Variants in ASIC2 observed in about 807,000 individuals in gnomAD.
ASIC2 encodes the protein acid sensing ion channel subunit 2.
A neutral mutation model predicts 57.3 loss-of-function variants in ASIC2; 25 were observed. The ratio of observed to expected loss-of-function variants is 0.44; its 90% CI spans 0.32 to 0.61. The LOEUF is 0.61. Among genes scored for constraint, ASIC2 ranks in the 20% least tolerant of loss-of-function variants. The probability of loss-of-function intolerance (pLI) is 0.06; values close to 1 mark genes in which losing one functional copy is unlikely to be tolerated. For missense variants in ASIC2, 641 were observed against 738.1 expected, an observed-to-expected ratio of 0.87 and a Z score of 1.52; for synonymous variants, 319 against 307.5, an observed-to-expected ratio of 1.04 and a Z score of -0.39.
At chr17:34,052,055 T>G (rs954836814) in intron 1 of ASIC2, among the ~76,000 whole-genome samples, 1 of 152,184 alleles carries the variant, frequency 6.6e-6, no homozygotes, top group African/African-American at 2.4e-5. Context: ...CATTCTTGAT[T>G]GATTCATCCA....
chr17:33,069,575 A>T (rs1453946838), intron 3 of ASIC2, among the ~76,000 whole-genome samples: 1 of 151,996 alleles, frequency 6.6e-6, no homozygotes, highest in Non-Finnish European at 1.5e-5. Flanking sequence ...TGACCTTTTT[A>T]TGATTATGAA....
chr17:34,073,732 G>T (rs1176400535), intron 1 of ASIC2, among the ~76,000 whole-genome samples: 1 of 152,158 alleles, frequency 6.6e-6, no homozygotes, highest in Non-Finnish European at 1.5e-5. Context: ...AATTCACTCA[G>T]CTTGTCTATC....
At chr17:34,074,942 C>T (rs569734981) in intron 1 of ASIC2, among the ~76,000 whole-genome samples, 96 of 152,138 alleles carry the variant, frequency 6.3e-4, no homozygotes, top group Non-Finnish European at 1.1e-3. Context: ...CCTGCCATCA[C>T]GCCTGGCTAA....
intron 1 of ASIC2, among the ~76,000 whole-genome samples, chr17:34,090,078 G>A (rs1910269848): frequency 6.6e-6 from 1 of 152,172 alleles, no homozygotes; most frequent in African/African-American, 2.4e-5. Flanking sequence ...CCTGACAGAT[G>A]AGTCACAGCT....
At chr17:33,441,314 A>G (rs761800413) in intron 1 of ASIC2, among the ~76,000 whole-genome samples, 5 of 152,200 alleles carry the variant, frequency 3.3e-5, no homozygotes, top group Non-Finnish European at 7.4e-5. Flanking sequence ...TAAAAGGTTT[A>G]TATGAAGTCC....
chr17:33,262,618 T>G (rs1005895691), intron 1 of ASIC2, among the ~76,000 whole-genome samples: 4 of 152,136 alleles, frequency 2.6e-5, no homozygotes, highest in Non-Finnish European at 4.4e-5. Context: ...TCCCAAAGGG[T>G]CATTCACACA....
intron 1 of ASIC2, among the ~76,000 whole-genome samples, chr17:33,354,827 G>T (rs936820826): frequency 6.6e-6 from 1 of 152,074 alleles, no homozygotes; most frequent in East Asian, 1.9e-4. Context: ...GGCAGAGCTC[G>T]TGTCCTTTTA....
chr17:33,187,237 GAAC>G (rs938544881), intron 1 of ASIC2, among the ~76,000 whole-genome samples: 20 of 152,250 alleles, frequency 1.3e-4, no homozygotes, highest in African/African-American at 4.8e-5. Flanking sequence ...ACCACATGTC[GAAC>G]AACCAACGCT....
chr17:33,879,692 T>A (rs1182235654), intron 1 of ASIC2, among the ~76,000 whole-genome samples: 4 of 152,096 alleles, frequency 2.6e-5, no homozygotes, highest in African/African-American at 9.7e-5. Flanking sequence ...ATTAGACACA[T>A]CAACGAGACA....
At chr17:34,010,493 A>G (rs748015609) in intron 1 of ASIC2, among the ~76,000 whole-genome samples, 2 of 152,104 alleles carry the variant, frequency 1.3e-5, no homozygotes, top group African/African-American at 2.4e-5. Context: ...TTATCCCTCC[A>G]TGTCTCTGGG....
intron 1 of ASIC2, among the ~76,000 whole-genome samples, chr17:33,845,383 A>G (rs1180981125): frequency 1.3e-5 from 2 of 152,060 alleles, no homozygotes; most frequent in African/African-American, 4.8e-5. Context: ...CTTGTATTTC[A>G]TTGAGTGAAG....
chr17:33,172,295 T>G (rs1472894587), intron 1 of ASIC2, among the ~76,000 whole-genome samples: 1 of 152,006 alleles, frequency 6.6e-6, no homozygotes. Context: ...AATGGGTGAG[T>G]GGGTGCAATA....
chr17:33,618,573 T>C (rs990579579), intron 1 of ASIC2, among the ~76,000 whole-genome samples: 1 of 152,196 alleles, frequency 6.6e-6, no homozygotes, highest in Non-Finnish European at 1.5e-5. Context: ...CCCTGAACAA[T>C]GTTTGCATTC....
At chr17:33,166,299 G>C (rs1474806152) in intron 1 of ASIC2, among the ~76,000 whole-genome samples, 2 of 152,174 alleles carry the variant, frequency 1.3e-5, no homozygotes, top group African/African-American at 2.4e-5. Flanking sequence ...ACCCATAATA[G>C]GTGCTTATTA....
intron 1 of ASIC2, among the ~76,000 whole-genome samples, chr17:33,897,187 G>A (rs1195416120): frequency 6.6e-6 from 1 of 152,206 alleles, no homozygotes; most frequent in East Asian, 1.9e-4. Flanking sequence ...AGAAATATGA[G>A]CTTCTATTCC....
intron 1 of ASIC2, among the ~76,000 whole-genome samples, chr17:33,764,523 G>A (rs1910878065): frequency 6.8e-6 from 1 of 146,538 alleles, no homozygotes; most frequent in Non-Finnish European, 1.6e-5. Flanking sequence ...TACATCTGGT[G>A]GGAACTTTCT....
At chr17:33,805,877 G>C (rs535388094) in intron 1 of ASIC2, among the ~76,000 whole-genome samples, 90 of 152,192 alleles carry the variant, frequency 5.9e-4, no homozygotes, top group African/African-American at 2.0e-3. Context: ...CATGGAACAC[G>C]CTTTGCAAAA....
At chr17:34,030,070 A>G (rs1222237234) in intron 1 of ASIC2, among the ~76,000 whole-genome samples, 1 of 152,142 alleles carries the variant, frequency 6.6e-6, no homozygotes, top group Admixed American at 6.5e-5. Flanking sequence ...ACTACCCCCT[A>G]CTACTAGTGT....
intron 1 of ASIC2, among the ~76,000 whole-genome samples, chr17:33,540,992 C>T (rs1915390430): frequency 6.6e-6 from 1 of 152,108 alleles, no homozygotes; most frequent in Non-Finnish European, 1.5e-5. Context: ...AAAAGAGAAT[C>T]CTTCATTACA....
Sources: allele counts gnomAD v4.1 joint callset (sites outside exome capture counted in the v4.1 genomes callset), GRCh38; gene constraint gnomAD v4.1.1; transcripts MANE v1.5; gene names NCBI Gene and HGNC (gene_info 2026-07-23, HGNC 2026-07-21).